The following TATDN1 variants were observed in gnomAD, a reference collection of about 807,000 sequenced individuals.
The protein encoded by TATDN1 is TatD DNase domain containing 1, also known as deoxyribonuclease TATDN1.
TATDN1 carries 40 observed loss-of-function variants against 46.4 expected under a neutral mutation model. The ratio of observed to expected loss-of-function variants is 0.86; its 90% confidence interval spans 0.67 to 1.12. TATDN1 has a LOEUF of 1.12. Among genes scored for constraint, TATDN1 ranks in the 50% most tolerant of loss-of-function variants. The pLI, the probability that TATDN1 is intolerant of heterozygous loss-of-function variation, is 0.00. For missense variants in TATDN1, 326 were observed against 348.4 expected (o/e 0.94, Z 0.51); for synonymous variants, 95 against 105.6 (o/e 0.90, Z 0.62).
At chr8:124,523,083 A>G in intron 1 of TATDN1, 81 bp from the exon 2 acceptor site, 2 of 1,291,184 alleles carry the variant, frequency 1.5e-6, no homozygotes, top group Middle Eastern at 2.6e-4. Flanking sequence ...CTGTTACTAA[A>G]CTTTTTGTTC....
intron 3 of TATDN1, among the ~76,000 whole-genome samples, chr8:124,520,815 C>A (rs1032764287): frequency 6.6e-6 from 1 of 151,646 alleles, no homozygotes; most frequent in African/African-American, 2.4e-5. Flanking sequence ...TGGTGGCGGG[C>A]GCCTGTAGTC....
chr8:124,517,514 G>C (rs1819591256), intron 4 of TATDN1, among the ~76,000 whole-genome samples: 1 of 151,458 alleles, frequency 6.6e-6, no homozygotes, highest in African/African-American at 2.4e-5. Context: ...ATAGCTTTTA[G>C]TAAGTTTTCA....
At chr8:124,520,973 T>C (rs1586650401) in intron 3 of TATDN1, among the ~76,000 whole-genome samples, 1 of 149,864 alleles carries the variant, frequency 6.7e-6, no homozygotes, top group East Asian at 2.0e-4. Context: ...AAGATAACGA[T>C]GATGATGATC....
At chr8:124,512,937 C>T (rs572381479) in intron 6 of TATDN1, among the ~76,000 whole-genome samples, 37 of 151,174 alleles carry the variant, frequency 2.4e-4, no homozygotes, top group South Asian at 4.2e-4. Flanking sequence ...TTCTTTTGAG[C>T]GGAATCTTTC....
chr8:124,524,544 GATC>G (rs1323259470), intron 1 of TATDN1, among the ~76,000 whole-genome samples: 1 of 152,152 alleles, frequency 6.6e-6, no homozygotes, highest in Non-Finnish European at 1.5e-5. Flanking sequence ...TAGGGTCACC[GATC>G]ATCACTGATC....
intron 11 of TATDN1, chr8:124,489,348 T>C (rs1437787220): frequency 6.6e-6 from 1 of 152,200 alleles, no homozygotes; most frequent in East Asian, 1.9e-4. Context: ...TTTCTTTCTC[T>C]GTCTCTCTCT....
intron 9 of TATDN1, among the ~76,000 whole-genome samples, chr8:124,496,995 G>C (rs140143059): frequency 6.6e-6 from 1 of 152,152 alleles, no homozygotes; most frequent in East Asian, 1.9e-4. Flanking sequence ...AAGGATTCTT[G>C]TTTAAGAAAA....
At chr8:124,510,680 C>A (rs1382715655) in intron 6 of TATDN1, among the ~76,000 whole-genome samples, 2 of 151,616 alleles carry the variant, frequency 1.3e-5, no homozygotes, top group Admixed American at 1.3e-4. Flanking sequence ...AAGAATTAGC[C>A]AGGTGTGGTA....
chr8:124,526,510 G>T (rs1302946893), intron 1 of TATDN1, among the ~76,000 whole-genome samples: 1 of 152,182 alleles, frequency 6.6e-6, no homozygotes. Context: ...GGAATGATAG[G>T]AACAAAAACA....
In TATDN1 at chr8:124,504,747, C is replaced by CT. The variant is rs758223628; in HGVS notation, c.517-401dup. On this transcript the variant is annotated intron_variant, in intron 8 of 11. Coordinates refer to ENST00000276692, the MANE Select transcript of TATDN1 (RefSeq NM_032026.4). ...CTGATGAATTTTCTGTTAGAGGATA[C>CT]TTTTTTTTTTTTTTTTGAGATGGAG... is the stretch of plus-strand genomic sequence containing the variant. 4.7e-3 allele frequency: 649 copies of CT among 137,276 alleles called. 3 individuals carry two copies. Among genetic ancestry groups the CT allele is most frequent in the Admixed American group, 7.0e-3 (96 of 13,702 alleles). The allele number at this position is 137,276 out of a possible 1,614,324, so 8.5% of individuals were successfully genotyped here.
At chr8:124,500,874 A>G (rs1466106353) in intron 9 of TATDN1, among the ~76,000 whole-genome samples, 1 of 152,172 alleles carries the variant, frequency 6.6e-6, no homozygotes, top group Non-Finnish European at 1.5e-5. Flanking sequence ...AGAAATGATA[A>G]AAGACCAGTG....
In TATDN1 at chr8:124,492,751, C is replaced by CAAA. The variant is rs397892964; in HGVS notation, c.791+1079_791+1081dup. The stretch of plus-strand genomic sequence containing the variant: ...CCTGGGCAACAGAGCAAGATGGTCT[C>CAAA]AAAAAAAAAAAAAAAAAAAAAGATT... On this transcript the variant is annotated intron_variant, in intron 11 of 11. Coordinates refer to ENST00000276692, the MANE Select transcript of TATDN1 (RefSeq NM_032026.4). Among the ~76,000 whole-genome samples the CAAA allele has an allele frequency of 1.2e-3, 89 of 72,134 alleles. 1 individual carries two copies. The highest frequency in any genetic ancestry group is 1.8e-3 in the Non-Finnish European group (67 of 37,396). 47.3% of individuals were successfully genotyped at this position (72,134 alleles called of 152,430 possible).
At chr8:124,492,147 G>C (rs1219455110) in intron 11 of TATDN1, among the ~76,000 whole-genome samples, 1 of 152,058 alleles carries the variant, frequency 6.6e-6, no homozygotes, top group Non-Finnish European at 1.5e-5. Flanking sequence ...GCTAATTTTT[G>C]TATTTTTAGT....
chr8:124,507,400 G>A (rs1257924619), intron 8 of TATDN1, among the ~76,000 whole-genome samples: 1 of 152,124 alleles, frequency 6.6e-6, no homozygotes, highest in Non-Finnish European at 1.5e-5. Flanking sequence ...ATAAAAATTA[G>A]TTTATATTTG....
chr8:124,525,548 T>A (rs560538789), intron 1 of TATDN1, among the ~76,000 whole-genome samples: 2 of 152,276 alleles, frequency 1.3e-5, no homozygotes, highest in South Asian at 4.1e-4. Context: ...TTCTCACTAG[T>A]AGGGTGGACA....
At chr8:124,504,486 A>C in intron 8 of TATDN1, 139 bp from the exon 9 acceptor site, 1 of 446,244 alleles carries the variant, frequency 2.2e-6, no homozygotes, top group Non-Finnish European at 4.0e-6. Flanking sequence ...GGTAGTCGCT[A>C]TAATTTTTAT....
In TATDN1 at chr8:124,491,846, T is replaced by C. The variant is rs577413508; in HGVS notation, c.791+1987A>G. Among the ~76,000 whole-genome samples, 20 of 152,328 alleles carry C rather than the reference T, an allele frequency of 1.3e-4. No individual in the cohort carries two copies. In the South Asian group the frequency reaches 1.9e-3, roughly 14 times the overall value. ...AAGTAGCAATTAACTTGCCAACTCATAATTAGCAGTAGATTAGAGGATTGT... is the reference window on the plus strand; with the variant it reads ...AAGTAGCAATTAACTTGCCAACTCACAATTAGCAGTAGATTAGAGGATTGT... On this transcript the variant is annotated intron_variant, in intron 11 of 11. Transcript: ENST00000276692.
intron 1 of TATDN1, among the ~76,000 whole-genome samples, chr8:124,525,225 A>C: frequency 6.6e-6 from 1 of 152,100 alleles, no homozygotes; most frequent in East Asian, 1.9e-4. Context: ...AGCTCACTGC[A>C]ACCTCCACCT....
chr8:124,508,427 G>T, intron 8 of TATDN1, 47 bp downstream of exon 8: 3 of 1,548,632 alleles, frequency 1.9e-6, no homozygotes, highest in South Asian at 1.2e-5. Flanking sequence ...TGGATTTTTG[G>T]ATTAGAGATG....
Sources: allele counts gnomAD v4.1 joint callset (sites outside exome capture counted in the v4.1 genomes callset), GRCh38; gene constraint gnomAD v4.1.1; transcripts MANE v1.5; gene names NCBI Gene and HGNC (gene_info 2026-07-23, HGNC 2026-07-21).